The following NALF1 variants were observed in gnomAD, a reference collection of about 807,000 sequenced individuals.
NALF1 encodes the protein family with sequence similarity 155 member A.
A neutral mutation model predicts 48.4 loss-of-function variants in NALF1; 3 were observed. The observed-to-expected ratio is 0.06, with a 90% CI of 0.03 to 0.16. The LOEUF is 0.16. Ranked by LOEUF, NALF1 falls within the 10% of genes least tolerant of loss-of-function variation. The pLI is 1.00. For missense variants in NALF1, 526 were observed against 571.5 expected (o/e 0.92, Z 0.81); for synonymous variants, 262 against 245.7 (o/e 1.07, Z -0.62).
At chr13:107,235,457 T>C (rs947840567) in intron 1 of NALF1, among the ~76,000 whole-genome samples, 6 of 152,178 alleles carry the variant, frequency 3.9e-5, no homozygotes, top group Non-Finnish European at 8.8e-5. Context: ...AATCCATGAA[T>C]ACTCAATTCC....
intron 1 of NALF1, among the ~76,000 whole-genome samples, chr13:107,674,346 C>T (rs1881063832): frequency 6.6e-6 from 1 of 152,172 alleles, no homozygotes; most frequent in South Asian, 2.1e-4. Context: ...ACAAACCAAA[C>T]ACTCCAGCCT....
Position 107,791,230 on chromosome 13 carries a change from T to C in NALF1, c.915+74452A>G, listed in dbSNP as rs573382203. Among the ~76,000 whole-genome samples, 11 of 152,308 alleles carry C rather than the reference T, an allele frequency of 7.2e-5. 1 individual carries two copies. The South Asian group carries it at 2.1e-3, about 29-fold the overall frequency. On this transcript the variant is annotated intron_variant, in intron 1 of 2. Transcript: ENST00000375915. ...AAGTTTGGCAATATTTATCAAATAT[T>C]CCCTAAAATTTGTAATAGCTTAAAA... is the stretch of plus-strand genomic sequence containing the variant.
intron 1 of NALF1, among the ~76,000 whole-genome samples, chr13:107,450,682 C>A (rs566667421): frequency 6.6e-6 from 1 of 152,060 alleles, no homozygotes; most frequent in Middle Eastern, 3.2e-3. Context: ...GAATCCCCAG[C>A]GTCTGTGGCC....
intron 1 of NALF1, among the ~76,000 whole-genome samples, chr13:107,808,712 A>T (rs116711024): frequency 0.017 from 2,558 of 152,244 alleles, 80 homozygotes; most frequent in African/African-American, 0.059. Context: ...TTAGGAGAAC[A>T]AAGTGGAAAG....
chr13:107,413,794 T>A lies in NALF1; in HGVS notation c.916-203039A>T, dbSNP rs183895704. ...GTAATATATAGAAATATTTTTAATATTTTATTTTTTGTGATGGAGTCTCTC... is the reference window on the plus strand; with the variant it reads ...GTAATATATAGAAATATTTTTAATAATTTATTTTTTGTGATGGAGTCTCTC... On this transcript the variant is annotated intron_variant, in intron 1 of 2. Transcript: ENST00000375915. Among the ~76,000 whole-genome samples the A allele has an allele frequency of 3.9e-3, 599 of 152,262 alleles. 10 individuals are homozygous for A. Among genetic ancestry groups the A allele is most frequent in the Admixed American group, 0.029 (446 of 15,290 alleles).
chr13:107,688,942 T>C (rs192143691), intron 1 of NALF1, among the ~76,000 whole-genome samples: 45 of 152,144 alleles, frequency 3.0e-4, no homozygotes, highest in Admixed American at 2.6e-3. Context: ...CTGGCGAGGA[T>C]GATGGTGATG....
At position 107,385,717 on chromosome 13, in the gene NALF1, A is replaced by G. The variant is rs569893004; in HGVS notation, c.916-174962T>C. ...TGAAGAACAAGATTCTGTTTTGTTC[A>G]ATAGTTTGCAATCTGTATATGCCAA... On this transcript the variant is annotated intron_variant, in intron 1 of 2. Coordinates refer to ENST00000375915, the MANE Select transcript of NALF1 (RefSeq NM_001080396.3). 1.3e-4 allele frequency among the ~76,000 whole-genome samples: 20 copies of G among 152,376 alleles called. No homozygotes were observed. The East Asian group carries it at 3.9e-3, about 29-fold the overall frequency.
chr13:107,690,896 A>C (rs1353044356), intron 1 of NALF1, among the ~76,000 whole-genome samples: 1 of 152,208 alleles, frequency 6.6e-6, no homozygotes, highest in Non-Finnish European at 1.5e-5. Context: ...TCTTACGGTG[A>C]TGTGGAAAAT....
At chr13:107,295,852 C>T (rs1443359640) in intron 1 of NALF1, among the ~76,000 whole-genome samples, 1 of 152,224 alleles carries the variant, frequency 6.6e-6, no homozygotes. Flanking sequence ...AAAAACACTA[C>T]TTTAACAGTT....
rs988380721 is a variant in NALF1 at position 107,165,625 on chromosome 13, T to G, written c.*4872A>C. 6.6e-6 allele frequency: 1 copy of G among 152,242 alleles called. No individual in the cohort carries two copies. Among genetic ancestry groups the G allele is most frequent in the African/African-American group, 2.4e-5 (1 of 41,462 alleles). 9.4% of individuals were successfully genotyped at this position (152,242 alleles called of 1,614,324 possible). ...ATTATCTATACATTTTCTCATTATT[T>G]GGAGAATTTCTAGAATTTGTAGCTG... is the stretch of plus-strand genomic sequence containing the variant. On this transcript the variant is annotated 3_prime_UTR_variant, in exon 3 of 3. Coordinates refer to ENST00000375915, the MANE Select transcript of NALF1 (RefSeq NM_001080396.3).
At chr13:107,743,827 T>C (rs1293784790) in intron 1 of NALF1, among the ~76,000 whole-genome samples, 1 of 152,224 alleles carries the variant, frequency 6.6e-6, no homozygotes, top group Non-Finnish European at 1.5e-5. Context: ...AAGCTGTATG[T>C]CCAACCAGGA....
chr13:107,504,365 G>A lies in NALF1; in HGVS notation c.916-293610C>T, dbSNP rs558777820. ...ACAGCAGATTTGTGGGATGTACAGT[G>A]AGGATTAATGTTCATAAGTTTATTG... On this transcript the variant is annotated intron_variant, in intron 1 of 2. Transcript: ENST00000375915. 2.6e-5 allele frequency among the ~76,000 whole-genome samples: 4 copies of A among 152,136 alleles called. No individual in the cohort carries two copies. The South Asian group carries it at 8.3e-4, about 32-fold the overall frequency.
intron 1 of NALF1, among the ~76,000 whole-genome samples, chr13:107,302,018 T>TA (rs1331398736): frequency 6.6e-6 from 1 of 152,124 alleles, no homozygotes; most frequent in African/African-American, 2.4e-5. Context: ...CTTTAAGAGG[T>TA]AATTGGGTCA....
intron 1 of NALF1, among the ~76,000 whole-genome samples, chr13:107,638,809 G>A (rs542207375): frequency 2.6e-5 from 4 of 152,192 alleles, no homozygotes; most frequent in South Asian, 2.1e-4. Context: ...GGATGGGATC[G>A]AGATCCATTC....
intron 1 of NALF1, among the ~76,000 whole-genome samples, chr13:107,694,249 A>G (rs919414380): frequency 6.6e-6 from 1 of 152,174 alleles, no homozygotes; most frequent in Non-Finnish European, 1.5e-5. Context: ...TTTCAAATCA[A>G]TTGGCAAGTT....
At chr13:107,389,910 C>T (rs1020390097) in intron 1 of NALF1, among the ~76,000 whole-genome samples, 1 of 152,100 alleles carries the variant, frequency 6.6e-6, no homozygotes, top group Admixed American at 6.6e-5. Context: ...GATTTAATAG[C>T]CCAATTATTT....
At chr13:107,434,989 C>G (rs1191046827) in intron 1 of NALF1, among the ~76,000 whole-genome samples, 1 of 152,000 alleles carries the variant, frequency 6.6e-6, no homozygotes, top group Non-Finnish European at 1.5e-5. Flanking sequence ...GTCATATTCA[C>G]CAAATAACAG....
At chr13:107,633,972 T>A (rs1879906876) in intron 1 of NALF1, among the ~76,000 whole-genome samples, 1 of 117,948 alleles carries the variant, frequency 8.5e-6, no homozygotes. Context: ...CATACATACA[T>A]CCTGTTTTAC....
rs1229253601 is a variant in NALF1 at position 107,164,723 on chromosome 13, G to A, written c.*5774C>T. 1.3e-5 allele frequency: 2 copies of A among 151,880 alleles called. No individual in the cohort carries two copies. The highest frequency in any genetic ancestry group is 4.8e-5 in the African/African-American group (2 of 41,254). 9.4% of individuals were successfully genotyped at this position (151,880 alleles called of 1,614,324 possible). ...AGCTCACTTTAGTTCTGTAATATAT[G>A]TTAAGACTTTCAAACTGTATTGAAA... is the stretch of plus-strand genomic sequence containing the variant. On this transcript the variant is annotated 3_prime_UTR_variant, in exon 3 of 3. Transcript: ENST00000375915.
Sources: allele counts gnomAD v4.1 joint callset (sites outside exome capture counted in the v4.1 genomes callset), GRCh38; gene constraint gnomAD v4.1.1; transcripts MANE v1.5; gene names NCBI Gene and HGNC (gene_info 2026-07-23, HGNC 2026-07-21).